Variants in CCM2 observed in about 807,000 individuals in gnomAD.
The protein encoded by CCM2 is cerebral cavernous malformations 2 protein.
Under a neutral mutation model 44.9 loss-of-function variants are expected in CCM2, and 25 were observed. The ratio of observed to expected loss-of-function variants is 0.56; its 90% CI spans 0.41 to 0.78. The LOEUF (loss-of-function observed/expected upper bound fraction) is 0.78, where lower values mean the gene tolerates loss of function less well. CCM2 is among the 30% of genes least tolerant of loss of function. The pLI, the probability that CCM2 is intolerant of heterozygous loss-of-function variation, is 0.00. For missense variants in CCM2, 481 were observed against 580.6 expected, an observed-to-expected ratio of 0.83 and a Z score of 1.76; for synonymous variants, 219 against 241.1, an observed-to-expected ratio of 0.91 and a Z score of 0.85.
rs138447476 is a variant in CCM2 at position 45,040,590 on chromosome 7, T to C, written c.204+2164T>C. ...TGAATAATTGACTGATGGACATGAC[T>C]CCCCCCATTGAAAGGATCCTGTCAT... On this transcript the variant is annotated intron_variant, in intron 2 of 9. Coordinates refer to ENST00000258781, the MANE Select transcript of CCM2 (RefSeq NM_031443.4). Among the ~76,000 whole-genome samples the C allele has an allele frequency of 3.7e-3, 562 of 152,072 alleles. 11 individuals carry two copies. Among genetic ancestry groups the C allele is most frequent in the East Asian group, 0.028 (146 of 5,160 alleles).
At chr7:45,022,649 A>G (rs1307618608) in intron 1 of CCM2, among the ~76,000 whole-genome samples, 1 of 151,794 alleles carries the variant, frequency 6.6e-6, no homozygotes, top group African/African-American at 2.4e-5. Context: ...TTTTTCTTTC[A>G]AAAGAAACAT....
chr7:45,050,710 C>T (rs1265787043), intron 2 of CCM2, among the ~76,000 whole-genome samples: 1 of 152,146 alleles, frequency 6.6e-6, no homozygotes, highest in Admixed American at 6.5e-5. Context: ...TGCTTCTTTT[C>T]TTATATCTTT....
chr7:45,020,884 T>C (rs1796455814), intron 1 of CCM2, among the ~76,000 whole-genome samples: 1 of 152,226 alleles, frequency 6.6e-6, no homozygotes, highest in South Asian at 2.1e-4. Context: ...CTTTCCTGTT[T>C]GTGTATGCTT....
chr7:45,069,677 G>C, intron 5 of CCM2, 149 bp from the exon 6 acceptor site: 2 of 1,015,884 alleles, frequency 2.0e-6, no homozygotes, highest in Admixed American at 3.9e-5. Flanking sequence ...CACCCCTTTG[G>C]GTCAGTGAAA....
chr7:45,004,839 A>C (rs1795781798), intron 1 of CCM2, among the ~76,000 whole-genome samples: 1 of 152,082 alleles, frequency 6.6e-6, no homozygotes. Flanking sequence ...TCTACTAAAA[A>C]TACAAAAATT....
intron 2 of CCM2, among the ~76,000 whole-genome samples, chr7:45,040,760 G>C (rs1399772004): frequency 1.3e-5 from 2 of 152,148 alleles, no homozygotes; most frequent in Admixed American, 1.3e-4. Flanking sequence ...GCCAAGGGGG[G>C]CAGATCAGAT....
In CCM2 at chr7:45,069,950, C is replaced by G; in HGVS notation, c.734C>G (p.Ser245Cys). Residue 245 changes from serine (S) to cysteine (C), a missense_variant, in exon 6 of 10, where the codon TCC (serine) becomes TGC (cysteine). Ser to Cys is a moderately radical substitution (Grantham distance 112). Coordinates refer to ENST00000258781, the MANE Select transcript of CCM2 (RefSeq NM_031443.4). ...DGASTPTHHLSLHSDDSSTKV... is the reference protein window; with the variant it reads ...DGASTPTHHLCLHSDDSSTKV... ...GCCTCTACCCCGACCCACCACCTGT[C>G]CCTGCACAGCGGTATGTTGAGTGAG... is the stretch of plus-strand genomic sequence containing the variant. 1 of 1,613,984 alleles carries G rather than the reference C, an allele frequency of 6.2e-7. No individual in the cohort carries two copies. The highest frequency in any genetic ancestry group is 8.5e-7 in the Non-Finnish European group (1 of 1,180,032).
intron 6 of CCM2, chr7:45,071,730 C>T (rs1799083094): frequency 2.2e-6 from 1 of 456,350 alleles, no homozygotes; most frequent in Non-Finnish European, 4.4e-6. Flanking sequence ...TGGCTCATGG[C>T]CCTTCCTCTG....
intron 2 of CCM2, among the ~76,000 whole-genome samples, chr7:45,053,898 C>T (rs1326644879): frequency 3.3e-5 from 5 of 152,212 alleles, no homozygotes; most frequent in Non-Finnish European, 7.3e-5. Flanking sequence ...ATCCACTTTG[C>T]CACAGCAGTC....
chr7:45,057,217 C>CAGTG (rs916426373), intron 2 of CCM2, among the ~76,000 whole-genome samples: 1 of 151,300 alleles, frequency 6.6e-6, no homozygotes, highest in African/African-American at 2.4e-5. Flanking sequence ...GGCTGGAGTG[C>CAGTG]AGTGGTATGA....
intron 2 of CCM2, among the ~76,000 whole-genome samples, chr7:45,055,318 C>A: frequency 6.6e-6 from 1 of 152,170 alleles, no homozygotes; most frequent in East Asian, 1.9e-4. Context: ...GTGGATGATA[C>A]AAAACTAGGA....
chr7:45,070,004 G>GA (rs1798983833), intron 6 of CCM2, 43 bp downstream of exon 6: 1 of 1,609,084 alleles, frequency 6.2e-7, no homozygotes, highest in Admixed American at 1.7e-5. Flanking sequence ...GCAGGGACAG[G>GA]AGGGGCTACT....
At chr7:45,017,707 C>T (rs1360924106) in intron 1 of CCM2, among the ~76,000 whole-genome samples, 2 of 152,082 alleles carry the variant, frequency 1.3e-5, no homozygotes, top group Non-Finnish European at 2.9e-5. Flanking sequence ...TTTGTGGTCT[C>T]TATTTTAACA....
intron 1 of CCM2, among the ~76,000 whole-genome samples, chr7:45,011,841 A>G (rs961246653): frequency 6.6e-6 from 1 of 152,184 alleles, no homozygotes; most frequent in African/African-American, 2.4e-5. Context: ...GGTGTAAGCC[A>G]TCGTGCCCTG....
In CCM2 at chr7:45,020,491, G is replaced by A. The variant is rs1796442122; in HGVS notation, c.31-17762G>A. 5.3e-5 allele frequency among the ~76,000 whole-genome samples: 8 copies of A among 152,030 alleles called. No individual in the cohort carries two copies. In the South Asian group the frequency reaches 1.2e-3, roughly 24 times the overall value. On this transcript the variant is annotated intron_variant, in intron 1 of 9. Transcript: ENST00000258781. ...GTATTTAAACAGCAGCCCTCCTATG[G>A]ACTTTTAGGTTGTCATTTTGCTTAA...
chr7:45,033,120 T>C (rs769481883), intron 1 of CCM2, among the ~76,000 whole-genome samples: 1 of 147,662 alleles, frequency 6.8e-6, no homozygotes, highest in Non-Finnish European at 1.5e-5. Context: ...AGGGAAGAAT[T>C]GATGTGATGC....
At chr7:45,049,919 C>T (rs1176618152) in intron 2 of CCM2, among the ~76,000 whole-genome samples, 1 of 152,150 alleles carries the variant, frequency 6.6e-6, no homozygotes, top group Non-Finnish European at 1.5e-5. Context: ...TACAGTGTAA[C>T]AACTATTTAC....
chr7:45,069,543 A>C (rs1798951349), intron 5 of CCM2, among the ~76,000 whole-genome samples: 1 of 152,240 alleles, frequency 6.6e-6, no homozygotes, highest in Non-Finnish European at 1.5e-5. Context: ...AATGGAAAGA[A>C]GACGTTGGAC....
chr7:45,063,479 A>C (rs566512531), intron 2 of CCM2, among the ~76,000 whole-genome samples: 2 of 152,252 alleles, frequency 1.3e-5, no homozygotes, highest in African/African-American at 4.8e-5. Context: ...TCATTTCTCT[A>C]TTTATGCTCA....
Sources: allele counts gnomAD v4.1 joint callset (sites outside exome capture counted in the v4.1 genomes callset), GRCh38; gene constraint gnomAD v4.1.1; transcripts MANE v1.5; gene names NCBI Gene and HGNC (gene_info 2026-07-23, HGNC 2026-07-21).